PPME1: variants seen among roughly 807,000 people sequenced by gnomAD.
PPME1 encodes testicular secretory protein Li 39.
In PPME1, 17 loss-of-function variants were observed where a neutral mutation model predicts 56.9. The ratio of observed to expected loss-of-function variants is 0.30; its 90% CI spans 0.20 to 0.45. The LOEUF (loss-of-function observed/expected upper bound fraction) is 0.45. Among genes scored for constraint, PPME1 ranks in the 20% least tolerant of loss-of-function variants. The pLI is 1.00. For synonymous variants in PPME1, 122 were observed against 156.2 expected (o/e 0.78, Z 1.63); for missense variants, 357 against 483.2 (o/e 0.74, Z 2.45).
At chr11:74,233,039 AT>A (rs1246631665) in intron 7 of PPME1, among the ~76,000 whole-genome samples, 1 of 150,448 alleles carries the variant, frequency 6.6e-6, no homozygotes. Context: ...TATTCAGTAA[AT>A]TTTTTTTTCT....
intron 1 of PPME1, among the ~76,000 whole-genome samples, chr11:74,200,334 T>A (rs905007296): frequency 1.3e-5 from 2 of 151,590 alleles, no homozygotes; most frequent in African/African-American, 4.8e-5. Flanking sequence ...TGAAGTCTTC[T>A]AGTTTATAAA....
chr11:74,243,657 G>GC (rs1193020499), intron 9 of PPME1: 1 of 152,102 alleles, frequency 6.6e-6, no homozygotes, highest in Admixed American at 6.5e-5. Context: ...TTTTACTGAT[G>GC]GAAGACCAAG....
At chr11:74,225,112 C>T (rs1858900851) in intron 4 of PPME1, 93 bp from the exon 5 acceptor site, 3 of 812,354 alleles carry the variant, frequency 3.7e-6, no homozygotes, top group Non-Finnish European at 5.7e-6. Context: ...GTCCCTAATC[C>T]ATTGTCCAAA....
At chr11:74,199,763 G>T (rs769942460) in intron 1 of PPME1, among the ~76,000 whole-genome samples, 1 of 152,214 alleles carries the variant, frequency 6.6e-6, no homozygotes, top group South Asian at 2.1e-4. Context: ...CCACATGGCT[G>T]GGGAGGCATC....
At chr11:74,242,752 G>C (rs1266767249) in intron 9 of PPME1, among the ~76,000 whole-genome samples, 1 of 151,686 alleles carries the variant, frequency 6.6e-6, no homozygotes, top group African/African-American at 2.4e-5. Flanking sequence ...GGTGGCGTGC[G>C]TCTGTAGTCC....
At chr11:74,204,161 T>C (rs900679204) in intron 2 of PPME1, among the ~76,000 whole-genome samples, 192 bp from the exon 3 acceptor site, 2 of 151,592 alleles carry the variant, frequency 1.3e-5, no homozygotes, top group Non-Finnish European at 2.9e-5. Context: ...TTTTTTTTTT[T>C]CATTGAACAA....
At chr11:74,228,982 C>T (rs988230173) in intron 5 of PPME1, among the ~76,000 whole-genome samples, 2 of 152,142 alleles carry the variant, frequency 1.3e-5, no homozygotes, top group African/African-American at 4.8e-5. Context: ...CTGTCTTAAT[C>T]TTAAATTTAA....
chr11:74,242,469 A>T (rs559362715), intron 9 of PPME1, among the ~76,000 whole-genome samples: 6 of 152,274 alleles, frequency 3.9e-5, no homozygotes, highest in East Asian at 1.9e-4. Context: ...TATATTTTTT[A>T]AAAATTTTAA....
At chr11:74,238,461 G>A (rs1331164616) in intron 8 of PPME1, 1 of 152,138 alleles carries the variant, frequency 6.6e-6, no homozygotes, top group Non-Finnish European at 1.5e-5. Context: ...GGCACTAGCT[G>A]TTGCCCAGGC....
chr11:74,171,572 A>G (rs1857229044), intron 1 of PPME1, 50 bp downstream of exon 1: 1 of 1,548,056 alleles, frequency 6.5e-7, no homozygotes, highest in Non-Finnish European at 8.7e-7. Context: ...CAGCCGTTGG[A>G]GAATGGTATC....
chr11:74,223,215 A>G (rs1164937713), intron 4 of PPME1, among the ~76,000 whole-genome samples: 1 of 151,554 alleles, frequency 6.6e-6, no homozygotes, highest in Admixed American at 6.6e-5. Flanking sequence ...TGCTTGCGAT[A>G]GTTTACTGAG....
chr11:74,222,184 A>G, intron 3 of PPME1, 128 bp from the exon 4 acceptor site: 1 of 702,698 alleles, frequency 1.4e-6, no homozygotes. Context: ...GCTTAAAACT[A>G]GAAAGTCTTT....
At chr11:74,178,957 T>A (rs1857464048) in intron 1 of PPME1, among the ~76,000 whole-genome samples, 4 of 152,146 alleles carry the variant, frequency 2.6e-5, no homozygotes, top group Admixed American at 2.0e-4. Context: ...ATAGTTCTAT[T>A]AAGAGGGTGG....
At chr11:74,195,192 A>C (rs1857948322) in intron 1 of PPME1, among the ~76,000 whole-genome samples, 1 of 152,228 alleles carries the variant, frequency 6.6e-6, no homozygotes. Context: ...CTTAAGAAAT[A>C]AAACATTATC....
At chr11:74,240,058 G>A (rs1859317583) in intron 9 of PPME1, among the ~76,000 whole-genome samples, 1 of 146,966 alleles carries the variant, frequency 6.8e-6, no homozygotes, top group East Asian at 2.0e-4. Context: ...CTCCCCAGTA[G>A]CTGTAGCTGG....
intron 1 of PPME1, among the ~76,000 whole-genome samples, chr11:74,183,434 T>G (rs1401258641): frequency 6.6e-6 from 1 of 152,204 alleles, no homozygotes; most frequent in Non-Finnish European, 1.5e-5. Context: ...GTCCAAGTGA[T>G]TCAAAAGAGA....
chr11:74,181,952 T>C (rs1857551060), intron 1 of PPME1, among the ~76,000 whole-genome samples: 1 of 152,238 alleles, frequency 6.6e-6, no homozygotes, highest in Admixed American at 6.5e-5. Flanking sequence ...AATTTCCACA[T>C]GTCATTAGTC....
intron 9 of PPME1, among the ~76,000 whole-genome samples, chr11:74,243,814 AAAAC>A (rs1434245597): frequency 1.3e-5 from 2 of 151,526 alleles, no homozygotes; most frequent in African/African-American, 4.8e-5. Flanking sequence ...ATAAAAAACA[AAAAC>A]AAAACAAAAA....
intron 1 of PPME1, among the ~76,000 whole-genome samples, chr11:74,200,857 T>C (rs947483884): frequency 2.6e-5 from 4 of 152,102 alleles, no homozygotes; most frequent in African/African-American, 9.7e-5. Context: ...TTTATTTTTA[T>C]TATTGTTTTT....
Sources: allele counts gnomAD v4.1 joint callset (sites outside exome capture counted in the v4.1 genomes callset), GRCh38; gene constraint gnomAD v4.1.1; transcripts MANE v1.5; gene names NCBI Gene and HGNC (gene_info 2026-07-23, HGNC 2026-07-21).